TAFA5: variants seen among roughly 807,000 people sequenced by gnomAD.
The protein encoded by TAFA5 is chemokine-like protein TAFA-5.
TAFA5 carries 6 observed loss-of-function variants against 15.3 expected under a neutral mutation model. That is an observed-to-expected ratio of 0.39 (90% CI 0.21 to 0.77). The LOEUF (loss-of-function observed/expected upper bound fraction) is 0.77, where lower values mean the gene tolerates loss of function less well. Among genes scored for constraint, TAFA5 ranks in the 30% least tolerant of loss-of-function variants. The probability of loss-of-function intolerance (pLI) is 0.41; values close to 1 mark genes in which losing one functional copy is unlikely to be tolerated. For synonymous variants in TAFA5, 103 were observed against 80.7 expected, an observed-to-expected ratio of 1.28 and a Z score of -1.48; for missense variants, 161 against 193.1, an observed-to-expected ratio of 0.83 and a Z score of 0.98.
At chr22:48,579,390 G>A (rs563369716) in intron 1 of TAFA5, among the ~76,000 whole-genome samples, 45 of 152,324 alleles carry the variant, frequency 3.0e-4, no homozygotes, top group Non-Finnish European at 6.3e-4. Flanking sequence ...CCCTCCTCTG[G>A]GAGGGGAGAG....
chr22:48,688,208 G>A (rs897946642), intron 2 of TAFA5, among the ~76,000 whole-genome samples: 1 of 151,870 alleles, frequency 6.6e-6, no homozygotes, highest in African/African-American at 2.4e-5. Context: ...AGCGTGATGG[G>A]GACAGTTCCT....
intron 1 of TAFA5, among the ~76,000 whole-genome samples, chr22:48,615,864 G>T (rs755874581): frequency 1.5e-4 from 23 of 152,302 alleles, no homozygotes; most frequent in Non-Finnish European, 3.2e-4. Flanking sequence ...ATCCCTCCTG[G>T]GGCTGTCAGC....
At chr22:48,655,693 A>ATT (rs1326043115) in intron 2 of TAFA5, among the ~76,000 whole-genome samples, 2 of 152,224 alleles carry the variant, frequency 1.3e-5, no homozygotes, top group Non-Finnish European at 2.9e-5. Context: ...CAATTTAGAA[A>ATT]TACGTGAATG....
chr22:48,537,289 G>A lies in TAFA5; in HGVS notation c.112+47585G>A, dbSNP rs114309938. On this transcript the variant is annotated intron_variant, in intron 1 of 3. Coordinates refer to ENST00000402357, the MANE Select transcript of TAFA5 (RefSeq NM_001082967.3). ...GGGGACCTGAGGACATGAGGTTCCCGCTCTGTTCTTGGTGCATTTCCAGGC... is the reference window on the plus strand; with the variant it reads ...GGGGACCTGAGGACATGAGGTTCCCACTCTGTTCTTGGTGCATTTCCAGGC... Among the ~76,000 whole-genome samples the A allele has an allele frequency of 5.2e-3, 791 of 152,318 alleles. 10 individuals carry two copies. Among genetic ancestry groups the A allele is most frequent in the African/African-American group, 0.018 (736 of 41,576 alleles).
At chr22:48,549,882 G>A (rs1319828822) in intron 1 of TAFA5, among the ~76,000 whole-genome samples, 2 of 152,192 alleles carry the variant, frequency 1.3e-5, no homozygotes, top group South Asian at 2.1e-4. Context: ...AGTGCCAGAC[G>A]CCCTCGGGAA....
chr22:48,670,930 A>G (rs1368631901), intron 2 of TAFA5, among the ~76,000 whole-genome samples: 1 of 152,174 alleles, frequency 6.6e-6, no homozygotes, highest in African/African-American at 2.4e-5. Context: ...ATCTGTTTGA[A>G]TGGAAATCTT....
intron 1 of TAFA5, among the ~76,000 whole-genome samples, chr22:48,633,323 C>T (rs1355847744): frequency 2.0e-5 from 3 of 152,190 alleles, no homozygotes; most frequent in Non-Finnish European, 4.4e-5. Flanking sequence ...GTGGTCGTTG[C>T]ACAGATATTC....
chr22:48,498,805 A>G (rs1171164767), intron 1 of TAFA5, among the ~76,000 whole-genome samples: 3 of 152,176 alleles, frequency 2.0e-5, no homozygotes, highest in African/African-American at 7.2e-5. Flanking sequence ...CAATCAGCCC[A>G]CTGGAAGCCC....
chr22:48,498,284 G>C (rs920528729), intron 1 of TAFA5, among the ~76,000 whole-genome samples: 7 of 150,266 alleles, frequency 4.7e-5, no homozygotes, highest in African/African-American at 1.2e-4. Flanking sequence ...CCACCTGGAG[G>C]CGGGGCTGAA....
intron 1 of TAFA5, among the ~76,000 whole-genome samples, chr22:48,586,998 C>T (rs1226233207): frequency 6.6e-6 from 1 of 152,238 alleles, no homozygotes; most frequent in East Asian, 1.9e-4. Context: ...GAGAACCGGG[C>T]CTCCACCGAC....
At chr22:48,626,405 G>T (rs1352788168) in intron 1 of TAFA5, among the ~76,000 whole-genome samples, 1 of 152,156 alleles carries the variant, frequency 6.6e-6, no homozygotes, top group Non-Finnish European at 1.5e-5. Context: ...GTGTATGGCC[G>T]TTACCTCCTT....
rs553625355 is a variant in TAFA5, at chr22:48,716,323, G to A, written c.390+8479G>A. Among the ~76,000 whole-genome samples the A allele has an allele frequency of 1.7e-3, 264 of 152,276 alleles. 6 individuals carry two copies. The highest frequency in any genetic ancestry group is 3.4e-3 in the Middle Eastern group (1 of 294). On this transcript the variant is annotated intron_variant, in intron 3 of 3. Transcript: ENST00000402357. ...GAAAATGTGGCATATACACACCGTG[G>A]AATACTATGCAGCCATAAAAAAGAA...
chr22:48,546,567 G>A, intron 1 of TAFA5: 1 of 471,178 alleles, frequency 2.1e-6, no homozygotes, highest in Non-Finnish European at 4.4e-6. Flanking sequence ...GTGGACTGCT[G>A]AGCAAGGGAT....
intron 3 of TAFA5, among the ~76,000 whole-genome samples, chr22:48,731,095 G>A (rs991844146): frequency 1.3e-5 from 2 of 152,208 alleles, no homozygotes; most frequent in Non-Finnish European, 2.9e-5. Flanking sequence ...GAAAGGGATA[G>A]AAAGTTTTAA....
intron 1 of TAFA5, among the ~76,000 whole-genome samples, chr22:48,501,521 CAGTCGGGGGTGCCTGGGGAGAGGT>C (rs1409286702): frequency 5.3e-5 from 8 of 152,068 alleles, no homozygotes; most frequent in Admixed American, 5.2e-4. Context: ...AGGGAAGGGG[CAGTCGGGGGTGCCTGGGGAGAGGT>C]AGTCGGGGGT....
chr22:48,633,506 CTGTCTGTCTGTCTGTCTGTCTGTCTG>C (rs750307452), intron 1 of TAFA5, among the ~76,000 whole-genome samples: 5,419 of 68,648 alleles, frequency 0.079, 184 homozygotes, highest in East Asian at 0.37. Context: ...GTCTGTCTGT[CTGTCTGTCTGTCTGTCTGTCTGTCTG>C]TCTCTCCCTC....
At chr22:48,595,338 C>T (rs938278640) in intron 1 of TAFA5, among the ~76,000 whole-genome samples, 5 of 152,238 alleles carry the variant, frequency 3.3e-5, no homozygotes, top group African/African-American at 9.6e-5. Context: ...CTCTTCCCGG[C>T]GCGTCAGTGG....
chr22:48,634,311 CATTT>C (rs201838764), intron 1 of TAFA5, among the ~76,000 whole-genome samples: 1 of 152,168 alleles, frequency 6.6e-6, no homozygotes, highest in Non-Finnish European at 1.5e-5. Flanking sequence ...CTTATTCACT[CATTT>C]ATTCACTCAC....
intron 2 of TAFA5, among the ~76,000 whole-genome samples, chr22:48,664,617 C>T (rs1927551728): frequency 6.6e-6 from 1 of 152,096 alleles, no homozygotes; most frequent in Non-Finnish European, 1.5e-5. Flanking sequence ...CCGATCTCAC[C>T]CCTCCCCTTG....
Sources: gnomAD v4.1 joint callset for allele counts (sites outside exome capture counted in the v4.1 genomes callset) on GRCh38, gnomAD v4.1.1 for gene constraint, MANE v1.5 for transcripts, NCBI Gene and HGNC (gene_info 2026-07-23, HGNC 2026-07-21) for gene names.